The following CTNND2 variants were observed in gnomAD, a reference collection of about 807,000 sequenced individuals.
The protein encoded by CTNND2 is catenin delta-2.
In CTNND2, 22 loss-of-function variants were observed where a neutral mutation model predicts 144.4. The observed-to-expected ratio is 0.15, with a 90% CI of 0.11 to 0.22. CTNND2 has a LOEUF of 0.22. CTNND2 is among the 10% of genes least tolerant of loss of function. The probability of loss-of-function intolerance (pLI) is 1.00; values close to 1 mark genes in which losing one functional copy is unlikely to be tolerated. For missense variants in CTNND2, 1,353 were observed against 1,618.8 expected (o/e 0.84, Z 2.82); for synonymous variants, 751 against 695.6 (o/e 1.08, Z -1.25).
chr5:11,157,968 A>G (rs1397600497), intron 12 of CTNND2, among the ~76,000 whole-genome samples: 1 of 152,204 alleles, frequency 6.6e-6, no homozygotes, highest in Non-Finnish European at 1.5e-5. Flanking sequence ...GTGAGCCTAC[A>G]CTGGTCTAGC....
At chr5:11,591,206 G>A (rs905758599) in intron 2 of CTNND2, among the ~76,000 whole-genome samples, 1 of 152,148 alleles carries the variant, frequency 6.6e-6, no homozygotes, top group Admixed American at 6.5e-5. Flanking sequence ...CTCTGTGAAG[G>A]TGTCCCTGGT....
intron 2 of CTNND2, among the ~76,000 whole-genome samples, chr5:11,610,899 C>T (rs1272945435): frequency 6.6e-6 from 1 of 152,038 alleles, no homozygotes; most frequent in East Asian, 1.9e-4. Flanking sequence ...TTACTGAGGT[C>T]AAAAAGCTTA....
At chr5:10,997,590 TA>T (rs59086011) in intron 18 of CTNND2, among the ~76,000 whole-genome samples, 29,843 of 137,252 alleles carry the variant, frequency 0.22, 3,570 homozygotes, top group African/African-American at 0.37. Flanking sequence ...GACTCCATCT[TA>T]AAAAAAAAAA....
chr5:11,540,065 G>A (rs11957695), intron 3 of CTNND2, among the ~76,000 whole-genome samples: 49,423 of 151,680 alleles, frequency 0.33, 8,625 homozygotes, highest in Middle Eastern at 0.5. Flanking sequence ...AAAAATAAAC[G>A]TATAAATACA....
rs1758948763 is a variant in CTNND2, at chr5:11,385,165, G to A, written c.677C>T (p.Pro226Leu). ...CAGGCTGGGCGCGAACGGCTCCCGC[G>A]GCGGCGGCGGCGGCGGCGGCGCGGG... ...PEPAPPPPPP[P>L]REPFAPSLGS... is the part of the protein sequence containing the mutation. Residue 226 changes from proline to leucine, a missense_variant, in exon 7 of 22, where the codon CCG becomes CTG. Pro to Leu is a moderately conservative substitution (Grantham distance 98). Around this residue, in one of 4 missense-constraint regions of CTNND2, gnomAD observed 708 missense variants for 706.4 expected, o/e 1.00. Transcript: ENST00000304623. 3 of 981,364 alleles carry A rather than the reference G, an allele frequency of 3.1e-6. No individual in the cohort carries two copies. Among genetic ancestry groups the A allele is most frequent in the Non-Finnish European group, 3.6e-6 (3 of 823,448 alleles). The allele number at this position is 981,364 out of a possible 1,614,324, so 60.8% of individuals were successfully genotyped here.
rs1361540362 is a variant in CTNND2, at chr5:11,236,744, C to T, written c.1708G>A (p.Ala570Thr). ...QHQFPSVQSN[A>T]AAYLQHLCFG... is the part of the protein sequence containing the mutation. ...CAGAGGTGTTGCAAGTAGGCTGCCGCGTTAGACTGGACCGAGGGAAACTGG... is the reference window on the plus strand; with the variant it reads ...CAGAGGTGTTGCAAGTAGGCTGCCGTGTTAGACTGGACCGAGGGAAACTGG... The change falls in exon 10 of 22, where the codon GCG becomes ACG. Residue 570 changes from alanine (A) to threonine (T), a missense_variant. By Grantham distance (58) the Ala-to-Thr change is moderately conservative. Coordinates refer to ENST00000304623, the MANE Select transcript of CTNND2 (RefSeq NM_001332.4). 2 of 1,614,054 alleles carry T rather than the reference C, an allele frequency of 1.2e-6. No individual in the cohort carries two copies. Among genetic ancestry groups the T allele is most frequent in the African/African-American group, 1.3e-5 (1 of 74,920 alleles).
At chr5:11,571,507 C>T (rs975863872) in intron 2 of CTNND2, among the ~76,000 whole-genome samples, 41 of 152,114 alleles carry the variant, frequency 2.7e-4, no homozygotes, top group African/African-American at 9.7e-4. Flanking sequence ...AACAGTTTTT[C>T]TTGTGGTCCC....
At chr5:11,704,918 A>G (rs143288544) in intron 2 of CTNND2, among the ~76,000 whole-genome samples, 1 of 151,818 alleles carries the variant, frequency 6.6e-6, no homozygotes, top group Non-Finnish European at 1.5e-5. Context: ...GTGAAACTAA[A>G]CTAAGGACAC....
chr5:10,995,139 G>A (rs1013094942), intron 18 of CTNND2, among the ~76,000 whole-genome samples: 5 of 152,044 alleles, frequency 3.3e-5, no homozygotes, highest in African/African-American at 4.8e-5. Context: ...AATTTTGGAC[G>A]TCAGCATATA....
chr5:11,497,365 A>T (rs895180109), intron 3 of CTNND2, among the ~76,000 whole-genome samples: 11 of 151,984 alleles, frequency 7.2e-5, no homozygotes, highest in African/African-American at 2.4e-4. Context: ...AATAGAAATT[A>T]TGATGGGTGC....
At chr5:11,576,345 TTTTTC>T (rs1777969679) in intron 2 of CTNND2, among the ~76,000 whole-genome samples, 1 of 151,544 alleles carries the variant, frequency 6.6e-6, no homozygotes, top group South Asian at 2.1e-4. Flanking sequence ...TAAAAATTAA[TTTTTC>T]TTAACATATT....
chr5:11,628,865 G>A (rs1287486991), intron 2 of CTNND2, among the ~76,000 whole-genome samples: 1 of 152,184 alleles, frequency 6.6e-6, no homozygotes, highest in East Asian at 1.9e-4. Flanking sequence ...AACGGCAGAT[G>A]CAAATGGCAC....
intron 3 of CTNND2, among the ~76,000 whole-genome samples, chr5:11,435,996 G>A (rs180933412): frequency 6.6e-6 from 1 of 152,182 alleles, no homozygotes; most frequent in East Asian, 1.9e-4. Context: ...AACTAGGAGC[G>A]TTGAGATAAC....
intron 3 of CTNND2, among the ~76,000 whole-genome samples, chr5:11,540,259 T>C (rs1267860850): frequency 6.6e-6 from 1 of 152,048 alleles, no homozygotes; most frequent in African/African-American, 2.4e-5. Flanking sequence ...TCCTCCAGAG[T>C]CCCTCTTCAG....
At chr5:11,522,004 G>C (rs1445639409) in intron 3 of CTNND2, among the ~76,000 whole-genome samples, 1 of 152,132 alleles carries the variant, frequency 6.6e-6, no homozygotes, top group Non-Finnish European at 1.5e-5. Flanking sequence ...CAGCCTCACA[G>C]AGCAAACTTA....
intron 11 of CTNND2, among the ~76,000 whole-genome samples, chr5:11,189,871 G>A (rs1206881851): frequency 6.6e-6 from 1 of 152,204 alleles, no homozygotes; most frequent in Non-Finnish European, 1.5e-5. Flanking sequence ...TATACAGAAA[G>A]TTAAAGGTGT....
At chr5:11,200,298 T>G (rs544883438) in intron 10 of CTNND2, among the ~76,000 whole-genome samples, 7 of 152,340 alleles carry the variant, frequency 4.6e-5, no homozygotes, top group African/African-American at 1.7e-4. Context: ...CTTCTTTTTA[T>G]CAAAAGAAAA....
chr5:11,347,568 C>A (rs1483557973), intron 8 of CTNND2, among the ~76,000 whole-genome samples: 1 of 152,186 alleles, frequency 6.6e-6, no homozygotes, highest in Non-Finnish European at 1.5e-5. Context: ...TAGCATCTTT[C>A]ATTTCAGTAG....
rs1030393999 is a variant in CTNND2, at chr5:11,022,882, A to G, written c.2886T>C (p.Ala962=). The G allele has an allele frequency of 5.0e-6, 8 of 1,614,104 alleles. No homozygotes were observed. Among genetic ancestry groups the G allele is most frequent in the Middle Eastern group, 1.6e-4 (1 of 6,084 alleles). The change falls in exon 17 of 22, where the codon GCT becomes GCC. Residue 962 remains alanine (A), a synonymous_variant. Transcript: ENST00000304623. ...SKAMSDDTVT[A]VCCTLHEVIT... The stretch of plus-strand genomic sequence containing the variant: ...TCACTTCGTGCAGTGTGCAGCAGAC[A>G]GCTGTCACTGTGTCATCCGACATGG...
Sources: gnomAD v4.1 joint callset for allele counts (sites outside exome capture counted in the v4.1 genomes callset) on GRCh38, gnomAD v4.1.1 for gene constraint, gnomAD v4.1.1 regional missense constraint, MANE v1.5 for transcripts, NCBI Gene and HGNC (gene_info 2026-07-23, HGNC 2026-07-21) for gene names.